Variants in DMD observed in about 807,000 individuals in gnomAD.
DMD encodes the protein dystrophin.
DMD carries 63 observed loss-of-function variants against 330.1 expected under a neutral mutation model. That is an observed-to-expected ratio of 0.19 (90% CI 0.16 to 0.24). The LOEUF (loss-of-function observed/expected upper bound fraction) is 0.24, where lower values mean the gene tolerates loss of function less well. Among genes scored for constraint, DMD ranks in the 10% least tolerant of loss-of-function variants. The pLI is 1.00. For missense variants in DMD, 3,344 were observed against 2,684.1 expected, an observed-to-expected ratio of 1.25 and a Z score of -5.43; for synonymous variants, 1,223 against 959.8, an observed-to-expected ratio of 1.27 and a Z score of -5.07.
At chrX:31,266,984 G>T in intron 62 of DMD, 2 of 885,487 alleles carry the variant, frequency 2.3e-6, no homozygotes, top group Non-Finnish European at 3.0e-6. Context: ...GGCCGGGGAG[G>T]GGGCGCTGCG....
chrX:31,256,351 T>G (rs1221328442), intron 63 of DMD, among the ~76,000 whole-genome samples: 1 of 111,862 alleles, frequency 8.9e-6, no homozygotes, highest in Non-Finnish European at 1.9e-5. Flanking sequence ...TGTTCAGTCA[T>G]CATAGTGAAC....
intron 48 of DMD, among the ~76,000 whole-genome samples, chrX:31,844,746 T>C (rs2093382148): frequency 9.0e-6 from 1 of 111,727 alleles, no homozygotes; most frequent in South Asian, 3.7e-4. Flanking sequence ...TTTCACTTCT[T>C]TGGTTAGATG....
chrX:32,898,191 G>A (rs1425104929), intron 2 of DMD, among the ~76,000 whole-genome samples: 1 of 111,875 alleles, frequency 8.9e-6, no homozygotes, highest in Admixed American at 9.5e-5. Context: ...AGACACTGGC[G>A]TTTTGGAAGT....
chrX:31,911,792 C>G (rs747541328), intron 47 of DMD, among the ~76,000 whole-genome samples: 1 of 111,167 alleles, frequency 9.0e-6, no homozygotes, highest in South Asian at 3.8e-4. Flanking sequence ...CCGATTGAGA[C>G]CAATCATCGA....
intron 13 of DMD, among the ~76,000 whole-genome samples, chrX:32,585,106 T>A (rs1051924809): frequency 1.7e-4 from 19 of 111,183 alleles, no homozygotes; most frequent in African/African-American, 5.9e-4. Flanking sequence ...AAATACCACA[T>A]GTTCTCATTC....
At chrX:32,678,893 G>C (rs1280523668) in intron 9 of DMD, among the ~76,000 whole-genome samples, 1 of 111,466 alleles carries the variant, frequency 9.0e-6, no homozygotes, top group Admixed American at 9.6e-5. Context: ...CATATAATTT[G>C]CATAAGTTAA....
chrX:32,140,805 G>A (rs1303877470), intron 44 of DMD, among the ~76,000 whole-genome samples: 2 of 110,538 alleles, frequency 1.8e-5, no homozygotes, highest in East Asian at 2.9e-4. Context: ...GGGGGAAACC[G>A]CCCCCATGAT....
At chrX:32,681,398 G>T (rs2062412809) in intron 9 of DMD, among the ~76,000 whole-genome samples, 1 of 111,511 alleles carries the variant, frequency 9.0e-6, no homozygotes, top group Non-Finnish European at 1.9e-5. Flanking sequence ...ACATGTGTTT[G>T]AAATACAAGG....
intron 59 of DMD, among the ~76,000 whole-genome samples, chrX:31,451,766 G>A (rs961005255): frequency 9.1e-6 from 1 of 109,524 alleles, no homozygotes; most frequent in Non-Finnish European, 1.9e-5. Context: ...ACAACCCTCT[G>A]CCTTTAGTAT....
intron 7 of DMD, among the ~76,000 whole-genome samples, chrX:32,732,437 A>T (rs2067820740): frequency 9.1e-6 from 1 of 110,379 alleles, no homozygotes; most frequent in Non-Finnish European, 1.9e-5. Flanking sequence ...CCTCGAGAAG[A>T]GCAACTCCAA....
Position 32,364,917 on chromosome X carries a change from C to T in DMD, c.5025+103G>A, listed in dbSNP as rs5927975. ...ATATTGAATTAAGAGCCAGCATATA[C>T]GTAGAATTGAGAAATTTTCAAACAC... On this transcript the variant is annotated intron_variant, in intron 35 of 78. Transcript: ENST00000357033. 449,386 of 920,111 alleles carry T rather than the reference C, an allele frequency of 0.49. 78,533 individuals are homozygous for T. Among genetic ancestry groups the T allele is most frequent in the Admixed American group, 0.7 (29,930 of 42,570 alleles). 75.8% of individuals were successfully genotyped at this position (920,111 alleles called of 1,213,427 possible). A position where few individuals can be genotyped will look rare whatever the true frequency, so the allele number is the denominator to read the frequency against.
At chrX:32,680,480 C>A (rs1197238039) in intron 9 of DMD, among the ~76,000 whole-genome samples, 1 of 110,883 alleles carries the variant, frequency 9.0e-6, no homozygotes, top group East Asian at 2.8e-4. Context: ...AAATCTTAAT[C>A]TACTTTTGTA....
intron 41 of DMD, among the ~76,000 whole-genome samples, chrX:32,318,456 G>C (rs967682746): frequency 4.5e-5 from 5 of 111,419 alleles, no homozygotes; most frequent in Admixed American, 1.9e-4. Flanking sequence ...ACAGTACTTC[G>C]TTTTGTCTGT....
intron 29 of DMD, among the ~76,000 whole-genome samples, chrX:32,436,998 G>T (rs896044923): frequency 4.5e-5 from 5 of 111,064 alleles, no homozygotes; most frequent in African/African-American, 1.6e-4. Context: ...GCCAAGGTCA[G>T]TTTCACAATG....
intron 61 of DMD, among the ~76,000 whole-genome samples, chrX:31,330,288 G>A (rs191943558): frequency 2.5e-4 from 28 of 110,773 alleles, no homozygotes; most frequent in Non-Finnish European, 4.5e-4. Flanking sequence ...CCCAAATGGC[G>A]GTGGCAGTAG....
intron 12 of DMD, among the ~76,000 whole-genome samples, chrX:32,610,375 G>A (rs1274320813): frequency 9.0e-6 from 1 of 110,876 alleles, no homozygotes; most frequent in South Asian, 3.7e-4. Context: ...CACCATATAG[G>A]ATCAATTGCT....
In DMD at chrX:31,121,846, T is replaced by C. The variant is rs889509708; in HGVS notation, c.*73A>G. ...GTTGTAAAACATTTATTCTGCTCCTTCTTCATCTGTCATGACTGATACTAA... is the reference window on the plus strand; with the variant it reads ...GTTGTAAAACATTTATTCTGCTCCTCCTTCATCTGTCATGACTGATACTAA... On this transcript the variant is annotated 3_prime_UTR_variant, in exon 79 of 79. Coordinates refer to ENST00000357033, the MANE Select transcript of DMD (RefSeq NM_004006.3). 1.0e-5 allele frequency: 12 copies of C among 1,196,434 alleles called. No homozygotes were observed. The African/African-American group carries it at 1.2e-4, about 12-fold the overall frequency.
At chrX:32,554,623 T>C in intron 16 of DMD, among the ~76,000 whole-genome samples, 1 of 108,335 alleles carries the variant, frequency 9.2e-6, no homozygotes, top group Admixed American at 1.0e-4. Flanking sequence ...GAGGCAATAA[T>C]AAATATCCCA....
intron 60 of DMD, among the ~76,000 whole-genome samples, chrX:31,430,697 G>A (rs2063990973): frequency 9.1e-6 from 1 of 110,459 alleles, no homozygotes; most frequent in East Asian, 2.8e-4. Flanking sequence ...AGCCACATGG[G>A]CAACTTTACT....
Sources: allele counts gnomAD v4.1 joint callset (sites outside exome capture counted in the v4.1 genomes callset), GRCh38; gene constraint gnomAD v4.1.1; transcripts MANE v1.5; gene names NCBI Gene and HGNC (gene_info 2026-07-23, HGNC 2026-07-21).